CCDC148: variants seen among roughly 807,000 people sequenced by gnomAD.
The protein encoded by CCDC148 is coiled-coil domain containing 148.
CCDC148 carries 89 observed loss-of-function variants against 85.7 expected under a neutral mutation model. The observed-to-expected ratio is 1.04, with a 90% CI of 0.87 to 1.24. The LOEUF is 1.24. CCDC148 is among the 50% of genes most tolerant of loss of function. The pLI, the probability that CCDC148 is intolerant of heterozygous loss-of-function variation, is 0.00. For missense variants in CCDC148, 692 were observed against 671.7 expected, an observed-to-expected ratio of 1.03 and a Z score of -0.33; for synonymous variants, 230 against 213.9, an observed-to-expected ratio of 1.08 and a Z score of -0.66.
intron 1 of CCDC148, among the ~76,000 whole-genome samples, chr2:158,454,697 G>T (rs1688532090): frequency 6.6e-6 from 1 of 152,246 alleles, no homozygotes; most frequent in South Asian, 2.1e-4. Context: ...GATGAGGAAA[G>T]GAACTGAGAA....
chr2:158,267,020 C>A (rs1464908506), intron 9 of CCDC148, among the ~76,000 whole-genome samples: 1 of 151,482 alleles, frequency 6.6e-6, no homozygotes, highest in Admixed American at 6.6e-5. Flanking sequence ...AAATTATACC[C>A]ACATTCTTAA....
intron 10 of CCDC148, among the ~76,000 whole-genome samples, chr2:158,224,237 A>T (rs967770647): frequency 6.6e-6 from 1 of 152,214 alleles, no homozygotes; most frequent in Non-Finnish European, 1.5e-5. Flanking sequence ...AAATGAATGA[A>T]ATGAAGCGAG....
At chr2:158,425,263 C>G (rs916950414) in intron 1 of CCDC148, 1 of 537,914 alleles carries the variant, frequency 1.9e-6, no homozygotes, top group Non-Finnish European at 3.7e-6. Context: ...GGCAAGGCAT[C>G]TCCAGGGGGT....
chr2:158,229,841 A>G (rs1305019226), intron 10 of CCDC148, among the ~76,000 whole-genome samples: 1 of 152,132 alleles, frequency 6.6e-6, no homozygotes, highest in Non-Finnish European at 1.5e-5. Flanking sequence ...GCAATAATTT[A>G]GAAATTCTTT....
chr2:158,373,589 GTAC>G (rs1684538441), intron 1 of CCDC148, among the ~76,000 whole-genome samples: 1 of 151,746 alleles, frequency 6.6e-6, no homozygotes, highest in South Asian at 2.1e-4. Flanking sequence ...CCTTTCCCTT[GTAC>G]TACTATTACA....
chr2:158,306,358 TA>T (rs891772792), intron 9 of CCDC148, among the ~76,000 whole-genome samples: 30 of 147,766 alleles, frequency 2.0e-4, no homozygotes, highest in Admixed American at 6.1e-4. Flanking sequence ...CCATCTCTAC[TA>T]AAAAAAAAAT....
chr2:158,418,690 A>G (rs568618012), intron 1 of CCDC148, among the ~76,000 whole-genome samples: 1 of 148,176 alleles, frequency 6.7e-6, no homozygotes, highest in South Asian at 2.3e-4. Context: ...CTCTTATATC[A>G]TCTTACAAAC....
chr2:158,404,581 T>A lies in CCDC148; in HGVS notation c.26-46011A>T, dbSNP rs148185834. On this transcript the variant is annotated intron_variant, in intron 1 of 13. Transcript: ENST00000283233. Reference sequence around the variant, plus strand: ...ACAAGACTTTAAAATTACAAGTTTTTAAAATTTGCTTTGAGCATAAAACAT... The same window carrying A: ...ACAAGACTTTAAAATTACAAGTTTTAAAAATTTGCTTTGAGCATAAAACAT... 4.2e-3 allele frequency among the ~76,000 whole-genome samples: 635 copies of A among 152,328 alleles called. 4 individuals are homozygous for A. Among genetic ancestry groups the A allele is most frequent in the African/African-American group, 0.014 (564 of 41,580 alleles).
intron 1 of CCDC148, among the ~76,000 whole-genome samples, chr2:158,438,138 T>G (rs995744655): frequency 6.6e-6 from 1 of 152,134 alleles, no homozygotes; most frequent in Non-Finnish European, 1.5e-5. Context: ...AAAGTTCATG[T>G]GGAACCAAAA....
At chr2:158,303,346 A>G (rs1039225421) in intron 9 of CCDC148, among the ~76,000 whole-genome samples, 1 of 152,188 alleles carries the variant, frequency 6.6e-6, no homozygotes, top group African/African-American at 2.4e-5. Context: ...CTTGTATGCA[A>G]ACCTTTGTGG....
At chr2:158,292,410 T>A (rs1690938492) in intron 9 of CCDC148, among the ~76,000 whole-genome samples, 1 of 152,234 alleles carries the variant, frequency 6.6e-6, no homozygotes, top group African/African-American at 2.4e-5. Flanking sequence ...CTTCAACAAC[T>A]AATATATTTA....
intron 10 of CCDC148, among the ~76,000 whole-genome samples, chr2:158,229,463 C>G (rs1369702524): frequency 6.6e-6 from 1 of 152,172 alleles, no homozygotes; most frequent in Non-Finnish European, 1.5e-5. Context: ...TTTATGGTTT[C>G]AATTGAATCT....
intron 11 of CCDC148, among the ~76,000 whole-genome samples, chr2:158,182,771 C>A (rs1343934999): frequency 3.9e-5 from 6 of 152,128 alleles, no homozygotes. Flanking sequence ...AAAGGAGAAA[C>A]TCTTGGTGCT....
chr2:158,217,234 A>G (rs1329229145), intron 11 of CCDC148, among the ~76,000 whole-genome samples: 1 of 150,858 alleles, frequency 6.6e-6, no homozygotes, highest in East Asian at 1.9e-4. Context: ...AACCACATGA[A>G]ATTGCCAGTA....
chr2:158,230,814 G>A (rs1256538966), intron 10 of CCDC148, among the ~76,000 whole-genome samples: 1 of 152,154 alleles, frequency 6.6e-6, no homozygotes, highest in Non-Finnish European at 1.5e-5. Flanking sequence ...ATGTGCTTTT[G>A]AGTAGAATCA....
chr2:158,181,434 T>A (rs1574349537), intron 11 of CCDC148, among the ~76,000 whole-genome samples: 1 of 152,144 alleles, frequency 6.6e-6, no homozygotes, highest in African/African-American at 2.4e-5. Flanking sequence ...ATGGGAGACA[T>A]GCTCCTGTCC....
chr2:158,437,114 C>T (rs1687694952), intron 1 of CCDC148, among the ~76,000 whole-genome samples: 1 of 152,176 alleles, frequency 6.6e-6, no homozygotes, highest in African/African-American at 2.4e-5. Flanking sequence ...GGAATCCTCC[C>T]TAACTCATTT....
intron 7 of CCDC148, among the ~76,000 whole-genome samples, chr2:158,323,289 C>G (rs1692606112): frequency 6.6e-6 from 1 of 152,004 alleles, no homozygotes; most frequent in African/African-American, 2.4e-5. Context: ...AAAATGCTGA[C>G]CAGATTTCAA....
intron 3 of CCDC148, among the ~76,000 whole-genome samples, chr2:158,341,417 G>A (rs1406493277): frequency 2.0e-5 from 3 of 150,762 alleles, no homozygotes; most frequent in South Asian, 2.1e-4. Context: ...AGTGATCCTC[G>A]TGCCTAAGCC....
Sources: gnomAD v4.1 joint callset for allele counts (sites outside exome capture counted in the v4.1 genomes callset) on GRCh38, gnomAD v4.1.1 for gene constraint, MANE v1.5 for transcripts, NCBI Gene and HGNC (gene_info 2026-07-23, HGNC 2026-07-21) for gene names.